BBOX1: variants seen among roughly 807,000 people sequenced by gnomAD.
BBOX1 encodes the protein gamma-butyrobetaine dioxygenase.
A neutral mutation model predicts 41.6 loss-of-function variants in BBOX1; 35 were observed. That is an observed-to-expected ratio of 0.84 (90% CI 0.64 to 1.11). BBOX1 has a LOEUF of 1.11. Among genes scored for constraint, BBOX1 ranks in the 50% most tolerant of loss-of-function variants. BBOX1 has a pLI of 0.00. For missense variants in BBOX1, 458 were observed against 460.6 expected, an observed-to-expected ratio of 0.99 and a Z score of 0.05; for synonymous variants, 163 against 154.7, an observed-to-expected ratio of 1.05 and a Z score of -0.40.
At chr11:27,054,762 C>T (rs747734703) in intron 2 of BBOX1, among the ~76,000 whole-genome samples, 3 of 152,134 alleles carry the variant, frequency 2.0e-5, no homozygotes, top group Non-Finnish European at 2.9e-5. Flanking sequence ...AAGTTTCTTG[C>T]AGAACCTAAG....
intron 7 of BBOX1, among the ~76,000 whole-genome samples, chr11:27,124,885 A>G (rs1409703653): frequency 2.0e-5 from 3 of 152,182 alleles, no homozygotes; most frequent in Admixed American, 6.5e-5. Context: ...CCATATTTTG[A>G]GAAAGAGAAT....
intron 4 of BBOX1, among the ~76,000 whole-genome samples, chr11:27,078,988 G>A (rs1857734825): frequency 6.6e-6 from 1 of 152,122 alleles, no homozygotes; most frequent in Non-Finnish European, 1.5e-5. Context: ...GATCCTTTCT[G>A]TCTCCCCTTT....
chr11:27,069,758 A>T (rs1857387967), intron 4 of BBOX1, among the ~76,000 whole-genome samples: 1 of 151,814 alleles, frequency 6.6e-6, no homozygotes, highest in Non-Finnish European at 1.5e-5. Flanking sequence ...ATGTTGGCTG[A>T]TGGTTTGTTA....
chr11:27,072,034 C>G (rs1857469125), intron 4 of BBOX1, among the ~76,000 whole-genome samples: 1 of 152,204 alleles, frequency 6.6e-6, no homozygotes, highest in South Asian at 2.1e-4. Flanking sequence ...CCCTTTCTCA[C>G]TACTCCTATT....
At chr11:27,115,402 C>CTCT in intron 5 of BBOX1, 50 bp from the exon 6 acceptor site, 1 of 1,448,314 alleles carries the variant, frequency 6.9e-7, no homozygotes, top group Non-Finnish European at 9.4e-7. Flanking sequence ...AATGCATTTC[C>CTCT]TCTGGCTTAG....
chr11:27,105,925 G>C (rs1173952758), intron 5 of BBOX1, among the ~76,000 whole-genome samples: 2 of 152,110 alleles, frequency 1.3e-5, no homozygotes, highest in Admixed American at 6.5e-5. Flanking sequence ...GAAGAGAGTG[G>C]GGGCAAATAT....
intron 5 of BBOX1, among the ~76,000 whole-genome samples, chr11:27,107,265 A>G (rs1858903912): frequency 6.6e-6 from 1 of 152,204 alleles, no homozygotes; most frequent in African/African-American, 2.4e-5. Flanking sequence ...AGATAGAGAC[A>G]CAAAAAACCC....
rs149589738 is a variant in BBOX1, at chr11:27,098,319, C to T, written c.533+4953C>T. Among the ~76,000 whole-genome samples the T allele has an allele frequency of 5.9e-5, 9 of 152,126 alleles. No individual in the cohort carries two copies. In the East Asian group the frequency reaches 1.2e-3, roughly 20 times the overall value. ...TGTGAAACCACTACCAGTACCTCAT[C>T]CCCAAGCCCTGGCATTATAATAAAC... On this transcript the variant is annotated intron_variant, in intron 5 of 8. Transcript: ENST00000263182.
intron 5 of BBOX1, among the ~76,000 whole-genome samples, chr11:27,112,138 T>C (rs1438718540): frequency 6.6e-6 from 1 of 151,966 alleles, no homozygotes; most frequent in Non-Finnish European, 1.5e-5. Context: ...TGGGAAACTC[T>C]ATAGGTCAAA....
intron 6 of BBOX1, among the ~76,000 whole-genome samples, chr11:27,116,843 G>C (rs768447971): frequency 1.4e-4 from 21 of 151,972 alleles, no homozygotes; most frequent in Non-Finnish European, 3.1e-4. Context: ...ACCGCTTATG[G>C]AGGAAGCTGC....
chr11:27,123,365 A>C (rs1859533087), intron 7 of BBOX1, among the ~76,000 whole-genome samples: 1 of 152,148 alleles, frequency 6.6e-6, no homozygotes, highest in African/African-American at 2.4e-5. Flanking sequence ...GGATATACCC[A>C]AGGACTCTAG....
rs1481794812 is a variant in BBOX1, at chr11:27,041,216, CA to C, written c.-300del. 6.8e-6 allele frequency: 1 copy of C among 146,296 alleles called. No homozygotes were observed. The highest frequency in any genetic ancestry group is 1.5e-5 in the Non-Finnish European group (1 of 66,978). The allele number at this position is 146,296 out of a possible 1,614,324, so 9.1% of individuals were successfully genotyped here. Reference sequence around the variant, plus strand: ...TTTTTTTTTTTTAAAAAAAACACAGCACAAAAAAACAAAGACAAAAAACCTC... The same window carrying C: ...TTTTTTTTTTTTAAAAAAAACACAGCCAAAAAAACAAAGACAAAAAACCTC... On this transcript the variant is annotated splice_region_variant and 5_prime_UTR_variant, in exon 2 of 9. Transcript: ENST00000263182.
chr11:27,127,735 GT>G lies in BBOX1; in HGVS notation c.*287del. 3.5e-6 allele frequency: 1 copy of G among 285,352 alleles called. No homozygotes were observed. The highest frequency in any genetic ancestry group is 6.4e-6 in the Non-Finnish European group (1 of 155,708). 17.7% of individuals were successfully genotyped at this position (285,352 alleles called of 1,614,324 possible). A position where few individuals can be genotyped will look rare whatever the true frequency, so the allele number is the denominator to read the frequency against. On this transcript the variant is annotated 3_prime_UTR_variant, in exon 9 of 9. Transcript: ENST00000263182. Reference sequence around the variant, plus strand: ...AGTATCTCCAGAATGTCTACAAATAGTTTTTGTAGCAAATGAAAATTTCTTC... The same window carrying G: ...AGTATCTCCAGAATGTCTACAAATAGTTTTGTAGCAAATGAAAATTTCTTC...
chr11:27,064,894 G>A (rs2133979928), intron 4 of BBOX1, among the ~76,000 whole-genome samples: 1 of 142,022 alleles, frequency 7.0e-6, no homozygotes, highest in African/African-American at 2.5e-5. Context: ...TGGAGCCATA[G>A]GTGTCAGACA....
intron 4 of BBOX1, among the ~76,000 whole-genome samples, chr11:27,084,840 C>T (rs1273611614): frequency 6.6e-6 from 1 of 152,100 alleles, no homozygotes; most frequent in African/African-American, 2.4e-5. Flanking sequence ...TGAAAACCAG[C>T]ATGTAGCCTG....
intron 5 of BBOX1, among the ~76,000 whole-genome samples, chr11:27,097,766 T>C (rs781006713): frequency 3.9e-5 from 6 of 152,042 alleles, no homozygotes; most frequent in Non-Finnish European, 8.8e-5. Flanking sequence ...ATGCAAAGCA[T>C]GGTCAAGATG....
Position 27,092,910 on chromosome 11 carries a change from A to T in BBOX1, c.335-258A>T, listed in dbSNP as rs117020756. On this transcript the variant is annotated intron_variant, in intron 4 of 8. Transcript: ENST00000263182. Reference sequence around the variant, plus strand: ...TCAAGAGTCATTCATCAGCTAAACAATATTCCCTTAACAAATGGGGCATAT... The same window carrying T: ...TCAAGAGTCATTCATCAGCTAAACATTATTCCCTTAACAAATGGGGCATAT... 2.2e-3 allele frequency among the ~76,000 whole-genome samples: 340 copies of T among 152,054 alleles called. 2 individuals carry two copies. In the East Asian group the frequency reaches 0.025, roughly 11 times the overall value.
In BBOX1 at chr11:27,093,341, G is replaced by C. The variant is rs781646845; in HGVS notation, c.508G>C (p.Gly170Arg). 1.9e-6 allele frequency: 3 copies of C among 1,612,238 alleles called. No homozygotes were observed. Reference sequence around the variant, plus strand: ...AGTTTCAAAACTTGGGAAAAGGATGGGTTTCCTCTATCTCACATTTTATGG... The same window carrying C: ...AGTTTCAAAACTTGGGAAAAGGATGCGTTTCCTCTATCTCACATTTTATGG... Reference protein sequence around the residue: ...GEVSKLGKRMGFLYLTFYGHT... With the variant: ...GEVSKLGKRMRFLYLTFYGHT... Residue 170 changes from glycine (G) to arginine (R), a missense_variant, in exon 5 of 9, where the codon GGT (glycine) becomes CGT (arginine). Physicochemically the swap from Gly to Arg is moderately radical, Grantham distance 125. Coordinates refer to ENST00000263182, the MANE Select transcript of BBOX1 (RefSeq NM_003986.3).
chr11:27,111,611 A>T (rs924640567), intron 5 of BBOX1, among the ~76,000 whole-genome samples: 1 of 152,000 alleles, frequency 6.6e-6, no homozygotes, highest in Non-Finnish European at 1.5e-5. Context: ...TATCTACTAT[A>T]TTCTGTTGTG....
Sources: allele counts gnomAD v4.1 joint callset (sites outside exome capture counted in the v4.1 genomes callset), GRCh38; gene constraint gnomAD v4.1.1; transcripts MANE v1.5; gene names NCBI Gene and HGNC (gene_info 2026-07-23, HGNC 2026-07-21).